Variants in EML5 observed in about 807,000 individuals in gnomAD.
The protein encoded by EML5 is EMAP like 5.
Under a neutral mutation model 250.0 loss-of-function variants are expected in EML5, and 120 were observed. The observed-to-expected ratio is 0.48, with a 90% CI of 0.41 to 0.56. The LOEUF (loss-of-function observed/expected upper bound fraction) is 0.56, where lower values mean the gene tolerates loss of function less well. Ranked by LOEUF, EML5 falls within the 20% of genes least tolerant of loss-of-function variation. The probability of loss-of-function intolerance (pLI) is 0.00; values close to 1 mark genes in which losing one functional copy is unlikely to be tolerated. For missense variants in EML5, 2,006 were observed against 2,437.6 expected (o/e 0.82, Z 3.73); for synonymous variants, 771 against 806.5 (o/e 0.96, Z 0.75).
chr14:88,681,369 G>A (rs1009109011), intron 21 of EML5, among the ~76,000 whole-genome samples: 1 of 152,210 alleles, frequency 6.6e-6, no homozygotes, highest in Non-Finnish European at 1.5e-5. Flanking sequence ...CCACCACTTT[G>A]GCAGGCCGAG....
intron 1 of EML5, among the ~76,000 whole-genome samples, chr14:88,773,393 G>GT (rs1053214750): frequency 2.0e-5 from 3 of 152,190 alleles, no homozygotes; most frequent in African/African-American, 7.2e-5. Flanking sequence ...AATATCCAGC[G>GT]TGGGAGGGCC....
chr14:88,756,423 A>T (rs1202147048), intron 1 of EML5, among the ~76,000 whole-genome samples: 1 of 152,178 alleles, frequency 6.6e-6, no homozygotes, highest in Admixed American at 6.5e-5. Context: ...GCCTGAAAGC[A>T]ATCCCACTAA....
In EML5 at chr14:88,643,003, A is replaced by T; in HGVS notation, c.4127T>A (p.Ile1376Asn). The T allele has an allele frequency of 6.3e-7, 1 of 1,593,658 alleles. No individual in the cohort carries two copies. Among genetic ancestry groups the T allele is most frequent in the Non-Finnish European group, 8.5e-7 (1 of 1,174,586 alleles). ...RPIEDLVLELIFGYRGRDCRN... is the reference protein window; with the variant it reads ...RPIEDLVLELNFGYRGRDCRN... ...ACAGTCTCTGCCTCGATAACCAAAA[A>T]TGAGCTCCAACACAAGGTCCTATAA... The change falls in exon 31 of 44, where the codon ATT (isoleucine) becomes AAT (asparagine). Residue 1376 changes from isoleucine to asparagine, a missense_variant. Coordinates refer to ENST00000554922, the MANE Select transcript of EML5 (RefSeq NM_183387.3).
chr14:88,670,230 G>A (rs1383661281), intron 21 of EML5, among the ~76,000 whole-genome samples: 1 of 146,992 alleles, frequency 6.8e-6, no homozygotes, highest in Admixed American at 7.0e-5. Flanking sequence ...CTGAGGCAGA[G>A]AATTGCTTGA....
chr14:88,677,422 G>T (rs1422944407), intron 21 of EML5, among the ~76,000 whole-genome samples: 1 of 152,152 alleles, frequency 6.6e-6, no homozygotes, highest in African/African-American at 2.4e-5. Context: ...AATGTCAAAA[G>T]CAATTGCAAA....
rs1421980634 is a variant in EML5, at chr14:88,617,994, TA to T, written c.5642+233del. Reference sequence around the variant, plus strand: ...AAAAATATCAGGGTATCTTTAAAGTTAAAACTTTGATTTCCTTAAAAAAAAA... The same window carrying T: ...AAAAATATCAGGGTATCTTTAAAGTTAAACTTTGATTTCCTTAAAAAAAAA... On this transcript the variant is annotated intron_variant, in intron 41 of 43. Coordinates refer to ENST00000554922, the MANE Select transcript of EML5 (RefSeq NM_183387.3). 1.4e-4 allele frequency: 38 copies of T among 276,058 alleles called. No individual in the cohort carries two copies. The South Asian group carries it at 2.3e-3, about 17-fold the overall frequency. 17.1% of individuals were successfully genotyped at this position (276,058 alleles called of 1,614,324 possible). A position where few individuals can be genotyped will look rare whatever the true frequency, so the allele number is the denominator to read the frequency against.
chr14:88,711,578 T>A (rs1221519485), intron 10 of EML5, among the ~76,000 whole-genome samples: 1 of 151,716 alleles, frequency 6.6e-6, no homozygotes, highest in East Asian at 1.9e-4. Context: ...GCCCCCATAA[T>A]CCAATCACTT....
In EML5 at chr14:88,620,461, AGTGGG is replaced by A. The variant is rs2088689526; in HGVS notation, c.5375+288_5375+292del. The A allele has an allele frequency of 4.0e-6, 1 of 250,136 alleles. No homozygotes were observed. Among genetic ancestry groups the A allele is most frequent in the Non-Finnish European group, 7.5e-6 (1 of 133,136 alleles). The allele number at this position is 250,136 out of a possible 1,614,324, so 15.5% of individuals were successfully genotyped here. ...AGGGCAGATAGCTCTCTTGTATTACAGTGGGAGATACCTCTTGGTGGGATGAACTT... is the reference window on the plus strand; with the variant it reads ...AGGGCAGATAGCTCTCTTGTATTACAAGATACCTCTTGGTGGGATGAACTT... On this transcript the variant is annotated intron_variant, in intron 39 of 43. Coordinates refer to ENST00000554922, the MANE Select transcript of EML5 (RefSeq NM_183387.3). This position sits in a 1 kb window ranked among gnomAD's most constrained non-coding sequence, Gnocchi z 4.3.
chr14:88,743,433 G>A (rs1053350760), intron 4 of EML5, among the ~76,000 whole-genome samples: 1 of 152,002 alleles, frequency 6.6e-6, no homozygotes, highest in African/African-American at 2.4e-5. Flanking sequence ...TCAAATCAGG[G>A]AGCAAATATA....
intron 1 of EML5, among the ~76,000 whole-genome samples, chr14:88,767,319 G>C (rs148355367): frequency 6.6e-6 from 1 of 152,342 alleles, no homozygotes; most frequent in Non-Finnish European, 1.5e-5. Context: ...TATGCAGGCA[G>C]TTCCTGCACA....
chr14:88,783,510 G>A (rs1239881976), intron 1 of EML5, among the ~76,000 whole-genome samples: 2 of 152,156 alleles, frequency 1.3e-5, no homozygotes, highest in Non-Finnish European at 2.9e-5. Flanking sequence ...CCAAAAAAGA[G>A]CAGGAGTAGC....
chr14:88,679,498 C>A (rs1193291002), intron 21 of EML5, among the ~76,000 whole-genome samples: 2 of 151,926 alleles, frequency 1.3e-5, no homozygotes, highest in Non-Finnish European at 2.9e-5. Context: ...TCAAGACCAG[C>A]CTGGCCAACA....
At chr14:88,734,555 A>G (rs189829419) in intron 7 of EML5, among the ~76,000 whole-genome samples, 12 of 152,042 alleles carry the variant, frequency 7.9e-5, no homozygotes, top group Admixed American at 7.2e-4. Flanking sequence ...TGTGATCAAG[A>G]AAAAAAATGT....
chr14:88,737,427 C>A (rs1202480884), intron 6 of EML5, among the ~76,000 whole-genome samples: 3 of 152,208 alleles, frequency 2.0e-5, no homozygotes, highest in Admixed American at 2.0e-4. Flanking sequence ...GTGTGGGATC[C>A]AGCCAGAGTA....
At chr14:88,640,443 G>A (rs2090999751) in intron 31 of EML5, among the ~76,000 whole-genome samples, 1 of 152,010 alleles carries the variant, frequency 6.6e-6, no homozygotes, top group Non-Finnish European at 1.5e-5. Context: ...ACTTGCTCCT[G>A]AATGACTTTT....
chr14:88,766,248 G>A (rs966027956), intron 1 of EML5, among the ~76,000 whole-genome samples: 7 of 152,320 alleles, frequency 4.6e-5, no homozygotes, highest in Admixed American at 6.5e-5. Flanking sequence ...CAGGGAACAA[G>A]GGAGATAACC....
chr14:88,729,476 G>C (rs1394238584), intron 7 of EML5, among the ~76,000 whole-genome samples: 2 of 151,810 alleles, frequency 1.3e-5, no homozygotes, highest in Admixed American at 1.3e-4. Context: ...ATAAAATTTT[G>C]AAACACAAGA....
At chr14:88,728,200 C>CTT (rs35595817) in intron 7 of EML5, among the ~76,000 whole-genome samples, 82 of 146,726 alleles carry the variant, frequency 5.6e-4, no homozygotes, top group East Asian at 3.2e-3. Flanking sequence ...CATGTACAGA[C>CTT]TTTTTTTTTT....
intron 17 of EML5, among the ~76,000 whole-genome samples, chr14:88,689,815 T>C (rs2092917927): frequency 6.6e-6 from 1 of 152,186 alleles, no homozygotes; most frequent in Admixed American, 6.5e-5. Flanking sequence ...CATAGACTTA[T>C]GAACAGAACA....
Sources: gnomAD v4.1 joint callset for allele counts (sites outside exome capture counted in the v4.1 genomes callset) on GRCh38, gnomAD v4.1.1 for gene constraint, Gnocchi (gnomAD v3.1) non-coding constraint, MANE v1.5 for transcripts, NCBI Gene and HGNC (gene_info 2026-07-23, HGNC 2026-07-21) for gene names.